RCAN2: variants seen among roughly 807,000 people sequenced by gnomAD.
RCAN2 encodes the protein regulator of calcineurin 2, also known as calcipressin-2.
Under a neutral mutation model 23.6 loss-of-function variants are expected in RCAN2, and 9 were observed. That is an observed-to-expected ratio of 0.38 (90% confidence interval 0.23 to 0.67). The LOEUF (loss-of-function observed/expected upper bound fraction) is 0.67, where lower values mean the gene tolerates loss of function less well. Among genes scored for constraint, RCAN2 ranks in the 30% least tolerant of loss-of-function variants. The pLI is 0.51. For missense variants in RCAN2, 273 were observed against 302.3 expected, an observed-to-expected ratio of 0.90 and a Z score of 0.72; for synonymous variants, 109 against 115.7, an observed-to-expected ratio of 0.94 and a Z score of 0.37.
chr6:46,261,745 T>G (rs1234103083), intron 2 of RCAN2, among the ~76,000 whole-genome samples: 2 of 152,208 alleles, frequency 1.3e-5, no homozygotes, highest in Non-Finnish European at 2.9e-5. Flanking sequence ...TTGATTTTAT[T>G]GATGTTATTA....
intron 2 of RCAN2, among the ~76,000 whole-genome samples, chr6:46,274,320 A>G (rs764852947): frequency 1.4e-4 from 21 of 152,212 alleles, no homozygotes; most frequent in Non-Finnish European, 2.8e-4. Context: ...TACTGCCTCA[A>G]CTGTGGAAGC....
rs1351930797 is a variant in RCAN2, at chr6:46,224,125, A to G, written c.572-824T>C. On this transcript the variant is annotated intron_variant, in intron 4 of 4. Transcript: ENST00000371374. The stretch of plus-strand genomic sequence containing the variant: ...TTAAGGACTATGGCATCAAATGGTA[A>G]GTAACTCTGAAAGGCTTCCTAGTGG... 1.3e-5 allele frequency among the ~76,000 whole-genome samples: 2 copies of G among 152,200 alleles called. 1 individual carries two copies. The highest frequency in any genetic ancestry group is 6.3e-3 in the Middle Eastern group (2 of 316).
chr6:46,231,412 A>ATT (rs549485650), intron 4 of RCAN2, among the ~76,000 whole-genome samples: 7 of 142,676 alleles, frequency 4.9e-5, no homozygotes, highest in African/African-American at 7.8e-5. Flanking sequence ...GGTTTGTGGC[A>ATT]TTTTTTTTTT....
rs1766121682 is a variant in RCAN2, at chr6:46,397,372, A to ACAC, written c.225+59379_225+59380insGTG. On this transcript the variant is annotated intron_variant, in intron 2 of 4. Transcript: ENST00000371374. The stretch of plus-strand genomic sequence containing the variant: ...TCCATATAGGATAAAATTTCACAGA[A>ACAC]ACACACACACACACACACACACACA... 4.8e-4 allele frequency among the ~76,000 whole-genome samples: 70 copies of ACAC among 146,240 alleles called. No individual in the cohort carries two copies. The South Asian group carries it at 0.015, about 32-fold the overall frequency.
chr6:46,326,220 A>G (rs1003903090), intron 2 of RCAN2, among the ~76,000 whole-genome samples: 14 of 152,240 alleles, frequency 9.2e-5, no homozygotes, highest in South Asian at 6.2e-4. Context: ...TTTGAAGGCT[A>G]TAAGTGCAGA....
chr6:46,249,038 T>TC (rs1766618475), intron 2 of RCAN2, 142 bp from the exon 3 acceptor site: 2 of 590,062 alleles, frequency 3.4e-6, no homozygotes, highest in Non-Finnish European at 5.5e-6. Flanking sequence ...TGTATTTTTT[T>TC]CATCTGTAGA....
intron 1 of RCAN2, among the ~76,000 whole-genome samples, chr6:46,487,410 G>C (rs1769024413): frequency 6.6e-6 from 1 of 152,136 alleles, no homozygotes; most frequent in Non-Finnish European, 1.5e-5. Context: ...CCCTATCAAA[G>C]CTATGAAGTA....
intron 1 of RCAN2, among the ~76,000 whole-genome samples, chr6:46,478,810 T>C (rs1203919617): frequency 6.6e-6 from 1 of 152,244 alleles, no homozygotes; most frequent in African/African-American, 2.4e-5. Flanking sequence ...CCAGAAGCTT[T>C]TAAAATTCCA....
rs574975878 is a variant in RCAN2, at chr6:46,428,896, A to T, written c.225+27856T>A. Among the ~76,000 whole-genome samples, 6 of 152,282 alleles carry T rather than the reference A, an allele frequency of 3.9e-5. No homozygotes were observed. The East Asian group carries it at 1.2e-3, about 29-fold the overall frequency. ...TATCTTCTCTCTATTCTCTTCTACC[A>T]TGGTTTATACCTTGTTATATTTTTA... On this transcript the variant is annotated intron_variant, in intron 2 of 4. Transcript: ENST00000371374.
intron 2 of RCAN2, among the ~76,000 whole-genome samples, chr6:46,439,846 T>C (rs546003349): frequency 6.6e-6 from 1 of 152,204 alleles, no homozygotes; most frequent in African/African-American, 2.4e-5. Context: ...GCCACATTTA[T>C]GACACTGAAG....
At chr6:46,437,397 C>G (rs1220487803) in intron 2 of RCAN2, among the ~76,000 whole-genome samples, 1 of 152,168 alleles carries the variant, frequency 6.6e-6, no homozygotes, top group African/African-American at 2.4e-5. Context: ...GATCTATAGT[C>G]ACTTAATTTA....
intron 1 of RCAN2, among the ~76,000 whole-genome samples, chr6:46,466,466 G>T (rs1246745730): frequency 1.3e-5 from 2 of 152,096 alleles, no homozygotes; most frequent in Admixed American, 6.5e-5. Flanking sequence ...AGTCCAAGGA[G>T]GCAGGTCACA....
At chr6:46,350,828 C>A (rs1011338513) in intron 2 of RCAN2, among the ~76,000 whole-genome samples, 3 of 152,118 alleles carry the variant, frequency 2.0e-5, no homozygotes, top group Non-Finnish European at 4.4e-5. Flanking sequence ...CTATTCTAAT[C>A]CCTTTACACT....
chr6:46,250,881 T>G (rs967463281), intron 2 of RCAN2, among the ~76,000 whole-genome samples: 2 of 152,142 alleles, frequency 1.3e-5, no homozygotes, highest in African/African-American at 4.8e-5. Context: ...CCAGATCAAC[T>G]TGTATCAGAC....
intron 4 of RCAN2, among the ~76,000 whole-genome samples, chr6:46,245,181 C>T (rs542122066): frequency 6.6e-6 from 1 of 152,294 alleles, no homozygotes; most frequent in South Asian, 2.1e-4. Flanking sequence ...GTTAGTTAGA[C>T]ATACCTACTG....
chr6:46,349,905 C>T (rs1308849390), intron 2 of RCAN2, among the ~76,000 whole-genome samples: 3 of 152,178 alleles, frequency 2.0e-5, no homozygotes, highest in African/African-American at 7.2e-5. Flanking sequence ...TGCTCTCACC[C>T]TCACCGTGGC....
intron 2 of RCAN2, among the ~76,000 whole-genome samples, chr6:46,399,822 T>C (rs1766198833): frequency 6.6e-6 from 1 of 152,132 alleles, no homozygotes; most frequent in East Asian, 1.9e-4. Context: ...GATGATCTCA[T>C]CTTGAGATCA....
intron 2 of RCAN2, among the ~76,000 whole-genome samples, chr6:46,366,235 C>A (rs1249452231): frequency 6.6e-6 from 1 of 152,180 alleles, no homozygotes; most frequent in Non-Finnish European, 1.5e-5. Flanking sequence ...TCATTCCCAA[C>A]TCGAAATAAA....
At chr6:46,328,397 T>C (rs901110328) in intron 2 of RCAN2, among the ~76,000 whole-genome samples, 3 of 152,228 alleles carry the variant, frequency 2.0e-5, no homozygotes, top group African/African-American at 7.2e-5. Context: ...GGGCAAATTG[T>C]GTTTTTAGGG....
Sources: gnomAD v4.1 joint callset for allele counts (sites outside exome capture counted in the v4.1 genomes callset) on GRCh38, gnomAD v4.1.1 for gene constraint, MANE v1.5 for transcripts, NCBI Gene and HGNC (gene_info 2026-07-23, HGNC 2026-07-21) for gene names.